Variants in PCDHA11 observed in about 807,000 individuals in gnomAD.
The protein encoded by PCDHA11 is protocadherin alpha-11.
A neutral mutation model predicts 70.3 loss-of-function variants in PCDHA11; 61 were observed. The observed-to-expected ratio is 0.87, with a 90% CI of 0.71 to 1.07. The LOEUF (loss-of-function observed/expected upper bound fraction) is 1.07, where lower values mean the gene tolerates loss of function less well. Ranked by LOEUF, PCDHA11 falls within the 50% of genes least tolerant of loss-of-function variation. The pLI is 0.00. For synonymous variants in PCDHA11, 633 were observed against 555.1 expected (o/e 1.14, Z -1.97); for missense variants, 1,324 against 1,237.5 (o/e 1.07, Z -1.05).
chr5:140,869,332 G>T lies in PCDHA11; in HGVS notation c.229G>T (p.Val77Leu), dbSNP rs1554162910. The change falls in exon 1 of 4, where the codon GTA becomes TTA. Residue 77 changes from valine to leucine, a missense_variant. Transcript: ENST00000398640. Reference protein sequence around the residue: ...ASKTHGDLLEVNLQNGILFVN... With the variant: ...ASKTHGDLLELNLQNGILFVN... The stretch of plus-strand genomic sequence containing the variant: ...CAAAACACATGGGGACCTTCTGGAG[G>T]TAAATCTGCAGAATGGCATTTTGTT... 1 of 1,613,960 alleles carries T rather than the reference G, an allele frequency of 6.2e-7. No individual in the cohort carries two copies. The highest frequency in any genetic ancestry group is 1.1e-5 in the South Asian group (1 of 91,070).
rs1430300644 is a variant in PCDHA11 at position 141,011,992 on chromosome 5, C to T, written c.*2055C>T. 6.5e-6 allele frequency: 1 copy of T among 153,658 alleles called. No individual in the cohort carries two copies. The highest frequency in any genetic ancestry group is 1.5e-5 in the Non-Finnish European group (1 of 68,022). 9.5% of individuals were successfully genotyped at this position (153,658 alleles called of 1,614,324 possible). ...TGTCTTGTCTACTTTTAGCTTCATTCTCCCATATTTTGAAGGGTGTGTAAC... is the reference window on the plus strand; with the variant it reads ...TGTCTTGTCTACTTTTAGCTTCATTTTCCCATATTTTGAAGGGTGTGTAAC... On this transcript the variant is annotated 3_prime_UTR_variant, in exon 4 of 4. Transcript: ENST00000398640.
intron 3 of PCDHA11, among the ~76,000 whole-genome samples, chr5:141,001,598 G>C (rs2098027263): frequency 6.6e-6 from 1 of 152,088 alleles, no homozygotes; most frequent in South Asian, 2.1e-4. Flanking sequence ...ACTCAGATTA[G>C]GTTTGCCCAA....
At position 140,869,178 on chromosome 5, in the gene PCDHA11, G is replaced by T. The variant is rs200717410; in HGVS notation, c.75G>T (p.Glu25Asp). The T allele has an allele frequency of 6.2e-7, 1 of 1,613,988 alleles. No homozygotes were observed. Among genetic ancestry groups the T allele is most frequent in the East Asian group, 2.2e-5 (1 of 44,878 alleles). ...GGCTTCTCCTCCTCGAATTCTGGGAGGTGGGGAGCGGCCAGCTCCACTACT... is the reference window on the plus strand; with the variant it reads ...GGCTTCTCCTCCTCGAATTCTGGGATGTGGGGAGCGGCCAGCTCCACTACT... ...QLWLLLLEFW[E>D]VGSGQLHYSV... Residue 25 changes from glutamate to aspartate, a missense_variant, in exon 1 of 4, where the codon GAG (glutamate) becomes GAT (aspartate). Glu to Asp is a conservative substitution (Grantham distance 45). Coordinates refer to ENST00000398640, the MANE Select transcript of PCDHA11 (RefSeq NM_018902.5).
chr5:140,927,308 C>T (rs782694957), intron 1 of PCDHA11: 3 of 1,614,186 alleles, frequency 1.9e-6, no homozygotes, highest in Non-Finnish European at 2.5e-6. Flanking sequence ...TTCCTGACGC[C>T]CGGAGCCCGC....
At position 140,909,749 on chromosome 5, in the gene PCDHA11, C is replaced by G. The variant is rs141984152; in HGVS notation, c.2391+38255C>G. On this transcript the variant is annotated intron_variant, in intron 1 of 3. Coordinates refer to ENST00000398640, the MANE Select transcript of PCDHA11 (RefSeq NM_018902.5). ...ATGCATTCTGGCACTGGGGAAATGA[C>G]CACAGGATGAGTCCAGGGACCCACT... 2.0e-3 allele frequency among the ~76,000 whole-genome samples: 298 copies of G among 152,232 alleles called. 1 individual carries two copies. Among genetic ancestry groups the G allele is most frequent in the African/African-American group, 6.9e-3 (285 of 41,526 alleles).
chr5:140,869,529 T>A lies in PCDHA11; in HGVS notation c.426T>A (p.Ile142=). ...CGCTCAGAGAACAAAAGCTGCTGAT[T>A]GCGGAATCTAAGCAATCGGACTCGC... ...VFSLREQKLL[I]AESKQSDSRF... is the part of the protein sequence containing the mutation. The change falls in exon 1 of 4, where the codon ATT becomes ATA. Residue 142 remains isoleucine, a synonymous_variant. Transcript: ENST00000398640. 2 of 1,614,166 alleles carry A rather than the reference T, an allele frequency of 1.2e-6. No homozygotes were observed. Among genetic ancestry groups the A allele is most frequent in the Non-Finnish European group, 1.7e-6 (2 of 1,180,032 alleles).
At chr5:140,967,849 T>C in intron 1 of PCDHA11, 1 of 1,614,116 alleles carries the variant, frequency 6.2e-7, no homozygotes, top group Non-Finnish European at 8.5e-7. Flanking sequence ...TGAATGACAA[T>C]GCCCCAGAGG....
rs1197189729 is a variant in PCDHA11, at chr5:141,011,926, G to A, written c.*1989G>A. On this transcript the variant is annotated 3_prime_UTR_variant, in exon 4 of 4. Transcript: ENST00000398640. ...TTAGGCATTAATATAAAAGAGGTAG[G>A]AGTCTGTTATTTAAAAAAAGCATTA... 1 of 153,498 alleles carries A rather than the reference G, an allele frequency of 6.5e-6. No individual in the cohort carries two copies. Among genetic ancestry groups the A allele is most frequent in the African/African-American group, 2.4e-5 (1 of 41,380 alleles). 9.5% of individuals were successfully genotyped at this position (153,498 alleles called of 1,614,324 possible).
chr5:141,005,263 A>T (rs1223276392), intron 3 of PCDHA11, among the ~76,000 whole-genome samples: 2 of 152,198 alleles, frequency 1.3e-5, no homozygotes, highest in Admixed American at 1.3e-4. Context: ...GGCACTGGTG[A>T]TACATTGGTG....
rs1554163944 is a variant in PCDHA11 at position 140,870,249 on chromosome 5, A to T, written c.1146A>T (p.Gly382=). 6.2e-7 allele frequency: 1 copy of T among 1,614,160 alleles called. No homozygotes were observed. The highest frequency in any genetic ancestry group is 8.5e-7 in the Non-Finnish European group (1 of 1,180,022). The part of the protein sequence containing the change: ...SVSDRDSGVN[G]QVTCSLTPHV... ...CTGACCGTGACTCAGGTGTCAACGG[A>T]CAGGTGACCTGCTCGCTGACGCCCC... is the stretch of plus-strand genomic sequence containing the variant. The change falls in exon 1 of 4, where the codon GGA becomes GGT. Residue 382 remains glycine (G), a synonymous_variant. Coordinates refer to ENST00000398640, the MANE Select transcript of PCDHA11 (RefSeq NM_018902.5).
intron 1 of PCDHA11, among the ~76,000 whole-genome samples, chr5:140,921,524 T>C (rs2080251541): frequency 6.6e-6 from 1 of 152,164 alleles, no homozygotes; most frequent in South Asian, 2.1e-4. Flanking sequence ...GAAATAAAAA[T>C]CTGCTGATAG....
intron 1 of PCDHA11, among the ~76,000 whole-genome samples, chr5:140,875,029 T>C (rs1288139866): frequency 6.6e-6 from 1 of 152,256 alleles, no homozygotes; most frequent in Non-Finnish European, 1.5e-5. Flanking sequence ...TGGCCTACTG[T>C]ATTTGAAAGA....
Position 140,869,140 on chromosome 5 carries a change from C to A in PCDHA11, c.37C>A (p.Arg13=). ...GFQRRGLGTP[R]LQLWLLLLEF... Reference sequence around the variant, plus strand: ...TCAGAGAAGGGGATTGGGCACCCCACGACTACAGCTCTGGCTTCTCCTCCT... The same window carrying A: ...TCAGAGAAGGGGATTGGGCACCCCAAGACTACAGCTCTGGCTTCTCCTCCT... The change falls in exon 1 of 4, where the codon CGA becomes AGA. Residue 13 remains arginine, a synonymous_variant. Transcript: ENST00000398640. 5.0e-6 allele frequency: 8 copies of A among 1,613,188 alleles called. No homozygotes were observed. Among genetic ancestry groups the A allele is most frequent in the African/African-American group, 1.3e-5 (1 of 75,026 alleles).
intron 1 of PCDHA11, among the ~76,000 whole-genome samples, chr5:140,977,624 T>C (rs139722248): frequency 6.6e-6 from 1 of 152,088 alleles, no homozygotes. Flanking sequence ...TATCCCAGAG[T>C]TGTAACTTTT....
chr5:140,982,795 ATG>A (rs60616196), intron 3 of PCDHA11, among the ~76,000 whole-genome samples: 18 of 151,504 alleles, frequency 1.2e-4, no homozygotes, highest in African/African-American at 3.2e-4. Flanking sequence ...GCATGTGTGC[ATG>A]TGTGTGTGTG....
chr5:140,922,605 A>G (rs1328283001), intron 1 of PCDHA11, among the ~76,000 whole-genome samples: 2 of 152,258 alleles, frequency 1.3e-5, no homozygotes, highest in African/African-American at 4.8e-5. Flanking sequence ...AGTTGAAGAT[A>G]TATTAAAACT....
chr5:140,898,817 C>T (rs1381051036), intron 1 of PCDHA11, among the ~76,000 whole-genome samples: 1 of 151,766 alleles, frequency 6.6e-6, no homozygotes, highest in Admixed American at 6.6e-5. Context: ...TCTTCCTACC[C>T]ATGAGCATGG....
At chr5:140,881,259 C>A in intron 1 of PCDHA11, 1 of 524,594 alleles carries the variant, frequency 1.9e-6, no homozygotes, top group Non-Finnish European at 2.4e-6. Flanking sequence ...AGGTTTTACT[C>A]AGTGATGATG....
intron 1 of PCDHA11, chr5:140,966,135 T>A (rs1456572936): frequency 1.2e-5 from 2 of 162,166 alleles, no homozygotes; most frequent in African/African-American, 4.8e-5. Context: ...CCCCTCAGTT[T>A]ATTTTCCTGA....
Sources: allele counts gnomAD v4.1 joint callset (sites outside exome capture counted in the v4.1 genomes callset), GRCh38; gene constraint gnomAD v4.1.1; transcripts MANE v1.5; gene names NCBI Gene and HGNC (gene_info 2026-07-23, HGNC 2026-07-21).